The following LIN9 variants were observed in gnomAD, a reference collection of about 807,000 sequenced individuals.
LIN9 encodes the protein protein lin-9 homolog.
A neutral mutation model predicts 78.0 loss-of-function variants in LIN9; 18 were observed. The ratio of observed to expected loss-of-function variants is 0.23; its 90% CI spans 0.16 to 0.34. LIN9 has a LOEUF of 0.34. Among genes scored for constraint, LIN9 ranks in the 10% least tolerant of loss-of-function variants. The pLI is 1.00. For missense variants in LIN9, 451 were observed against 644.1 expected (o/e 0.70, Z 3.25); for synonymous variants, 192 against 215.2 (o/e 0.89, Z 0.94).
At chr1:226,269,149 G>C (rs1409217987) in intron 7 of LIN9, among the ~76,000 whole-genome samples, 1 of 152,128 alleles carries the variant, frequency 6.6e-6, no homozygotes, top group East Asian at 1.9e-4. Context: ...TAACCAAAAA[G>C]TATAATACAC....
intron 7 of LIN9, among the ~76,000 whole-genome samples, chr1:226,270,850 AG>A (rs1660229039): frequency 1.4e-5 from 2 of 148,072 alleles, no homozygotes; most frequent in African/African-American, 2.5e-5. Flanking sequence ...AAAAAAAAAA[AG>A]GTTTGTGTAT....
chr1:226,233,553 C>T (rs1657486973), intron 12 of LIN9, 30 bp from the exon 13 acceptor site: 2 of 1,538,016 alleles, frequency 1.3e-6, no homozygotes, highest in Admixed American at 2.1e-5. Context: ...GCATGAGACG[C>T]ATGTTCGAGA....
intron 1 of LIN9, 86 bp downstream of exon 1, chr1:226,309,023 A>G (rs1663106967): frequency 1.6e-6 from 2 of 1,250,650 alleles, no homozygotes; most frequent in Non-Finnish European, 2.1e-6. Context: ...TGCCCAGCGG[A>G]GGGCACGGCC....
rs758819903 is a variant in LIN9, at chr1:226,265,633, T to G, written c.938A>C (p.Asp313Ala). The change falls in exon 10 of 15, where the codon GAT becomes GCT. Residue 313 changes from aspartate to alanine, a missense_variant and splice_region_variant. Transcript: ENST00000681046. This position sits in a 1 kb window ranked among gnomAD's most constrained non-coding sequence, Gnocchi z 4.1. ...CGACTGTCCTAATAAAGGATCATTATCCTATGGGAATAAAAAGGAATTATT... is the reference window on the plus strand; with the variant it reads ...CGACTGTCCTAATAAAGGATCATTAGCCTATGGGAATAAAAAGGAATTATT... ...YTPPLQSPII[D>A]NDPLLGQSPW... 6.6e-7 allele frequency: 1 copy of G among 1,517,698 alleles called. No individual in the cohort carries two copies. Among genetic ancestry groups the G allele is most frequent in the Non-Finnish European group, 9.1e-7 (1 of 1,096,110 alleles). The allele number at this position is 1,517,698 out of a possible 1,614,324, so 94.0% of individuals were successfully genotyped here.
chr1:226,286,270 T>C, intron 6 of LIN9, 63 bp downstream of exon 6: 1 of 1,537,356 alleles, frequency 6.5e-7, no homozygotes. Flanking sequence ...ACTGGGATTA[T>C]AAGTACATGC....
intron 4 of LIN9, among the ~76,000 whole-genome samples, chr1:226,290,530 C>T (rs999006566): frequency 1.4e-4 from 21 of 151,270 alleles, no homozygotes; most frequent in African/African-American, 3.6e-4. Context: ...TTTGTAGAGA[C>T]GGGGTTTCAC....
At chr1:226,252,555 T>C (rs1658902824) in intron 10 of LIN9, among the ~76,000 whole-genome samples, 1 of 152,094 alleles carries the variant, frequency 6.6e-6, no homozygotes. Context: ...ATAAGTTGCA[T>C]GGAGAAAAAA....
chr1:226,263,682 C>T (rs1273042913), intron 10 of LIN9, among the ~76,000 whole-genome samples: 1 of 152,142 alleles, frequency 6.6e-6, no homozygotes, highest in Non-Finnish European at 1.5e-5. Flanking sequence ...AAGAATAAGT[C>T]TTTGCTCTTA....
intron 10 of LIN9, among the ~76,000 whole-genome samples, chr1:226,262,217 G>A (rs904517988): frequency 1.3e-5 from 2 of 152,186 alleles, no homozygotes; most frequent in Non-Finnish European, 2.9e-5. Flanking sequence ...CTTTGGTTTT[G>A]TGACAACCAA....
intron 10 of LIN9, among the ~76,000 whole-genome samples, chr1:226,262,828 T>C (rs2102901236): frequency 6.6e-6 from 1 of 152,304 alleles, no homozygotes; most frequent in Admixed American, 6.5e-5. Flanking sequence ...CACAAAAACC[T>C]GCACACAGAT....
At chr1:226,258,806 G>A (rs1488495117) in intron 10 of LIN9, among the ~76,000 whole-genome samples, 3 of 141,494 alleles carry the variant, frequency 2.1e-5, no homozygotes, top group African/African-American at 7.9e-5. Context: ...CAGGAGAATG[G>A]CATGAACCTG....
intron 6 of LIN9, among the ~76,000 whole-genome samples, chr1:226,286,021 T>G (rs919733743): frequency 6.6e-6 from 1 of 152,202 alleles, no homozygotes; most frequent in African/African-American, 2.4e-5. Flanking sequence ...TAACATATAA[T>G]CAATTATTCT....
chr1:226,264,307 G>A (rs916549745), intron 10 of LIN9, among the ~76,000 whole-genome samples: 2 of 152,106 alleles, frequency 1.3e-5, no homozygotes, highest in East Asian at 1.9e-4. Context: ...AACCCGGGAG[G>A]TAGAGGCTAC....
intron 7 of LIN9, among the ~76,000 whole-genome samples, chr1:226,271,847 A>G (rs1384899570): frequency 1.3e-5 from 2 of 152,148 alleles, no homozygotes; most frequent in Non-Finnish European, 2.9e-5. Context: ...TCATTATGAA[A>G]TACTTCTGAC....
At chr1:226,273,256 ATTTTT>A (rs34679926) in intron 7 of LIN9, among the ~76,000 whole-genome samples, 1 of 87,270 alleles carries the variant, frequency 1.1e-5, no homozygotes, top group Non-Finnish European at 2.2e-5. Context: ...TAATTAGGTA[ATTTTT>A]TTTTTTTTTT....
rs1044701040 is a variant in LIN9 at position 226,292,177 on chromosome 1, T to C, written c.264+3665A>G. On this transcript the variant is annotated intron_variant, in intron 4 of 14. Transcript: ENST00000681046. Reference sequence around the variant, plus strand: ...TTAGAGGGAATCTTCTATTGACTGATTGAGATAGGGTCTCACTCTGTCACC... The same window carrying C: ...TTAGAGGGAATCTTCTATTGACTGACTGAGATAGGGTCTCACTCTGTCACC... 2.6e-5 allele frequency among the ~76,000 whole-genome samples: 4 copies of C among 152,178 alleles called. 1 individual carries two copies. In the South Asian group the frequency reaches 6.2e-4, roughly 24 times the overall value.
intron 11 of LIN9, among the ~76,000 whole-genome samples, chr1:226,245,557 G>T (rs569770013): frequency 5.0e-4 from 76 of 151,958 alleles, no homozygotes; most frequent in African/African-American, 1.8e-3. Flanking sequence ...TGAGGAGCTG[G>T]AACTATACCA....
At chr1:226,290,744 A>C (rs1009251995) in intron 4 of LIN9, among the ~76,000 whole-genome samples, 1 of 152,072 alleles carries the variant, frequency 6.6e-6, no homozygotes, top group Non-Finnish European at 1.5e-5. Context: ...AAACCAGTAC[A>C]ATTTCTTTCC....
chr1:226,300,181 G>T (rs1000490239), intron 2 of LIN9, among the ~76,000 whole-genome samples: 2 of 151,948 alleles, frequency 1.3e-5, no homozygotes, highest in Non-Finnish European at 2.9e-5. Flanking sequence ...CAAGTGGTCC[G>T]CCTGCCTCAG....
Sources: gnomAD v4.1 joint callset for allele counts (sites outside exome capture counted in the v4.1 genomes callset) on GRCh38, gnomAD v4.1.1 for gene constraint, Gnocchi (gnomAD v3.1) non-coding constraint, MANE v1.5 for transcripts, NCBI Gene and HGNC (gene_info 2026-07-23, HGNC 2026-07-21) for gene names.